Variants in CNNM4 observed in about 807,000 individuals in gnomAD.
The protein encoded by CNNM4 is metal transporter CNNM4.
A neutral mutation model predicts 53.7 loss-of-function variants in CNNM4; 32 were observed. The ratio of observed to expected loss-of-function variants is 0.60; its 90% CI spans 0.45 to 0.80. CNNM4 has a LOEUF of 0.80. Among genes scored for constraint, CNNM4 ranks in the 30% least tolerant of loss-of-function variants. The pLI, the probability that CNNM4 is intolerant of heterozygous loss-of-function variation, is 0.00. For missense variants in CNNM4, 784 were observed against 1,022.0 expected, an observed-to-expected ratio of 0.77 and a Z score of 3.17; for synonymous variants, 410 against 440.0, an observed-to-expected ratio of 0.93 and a Z score of 0.85.
In CNNM4 at chr2:96,810,533, G is replaced by C. The variant is rs1477508431; in HGVS notation, c.*1016G>C. On this transcript the variant is annotated 3_prime_UTR_variant, in exon 7 of 7. Transcript: ENST00000377075. The surrounding 1 kb of genome is among the most constrained non-coding windows in gnomAD (Gnocchi z 4.1). ...GTTGTTAGCAGTCAGTACCACCCCC[G>C]CCCCACAATGACAGTCAAGGCTGAC... 1 of 152,592 alleles carries C rather than the reference G, an allele frequency of 6.6e-6. No individual in the cohort carries two copies. The highest frequency in any genetic ancestry group is 2.1e-4 in the South Asian group (1 of 4,826). 9.5% of individuals were successfully genotyped at this position (152,592 alleles called of 1,614,324 possible).
chr2:96,799,541 T>C lies in CNNM4; in HGVS notation c.1852-11T>C. 6.4e-7 allele frequency: 1 copy of C among 1,551,978 alleles called. No homozygotes were observed. Among genetic ancestry groups the C allele is most frequent in the Non-Finnish European group, 8.7e-7 (1 of 1,146,514 alleles). On this transcript the variant is annotated splice_polypyrimidine_tract_variant and intron_variant, in intron 4 of 6. Coordinates refer to ENST00000377075, the MANE Select transcript of CNNM4 (RefSeq NM_020184.4). ...CACTTGGTCTCTAACTCCAGCCCTG[T>C]GTTTTTTCAGGGGAAGGTGGAGGTG...
At position 96,776,141 on chromosome 2, in the gene CNNM4, G is replaced by A. The variant is rs189854078; in HGVS notation, c.1402+13740G>A. On this transcript the variant is annotated intron_variant, in intron 1 of 6. Coordinates refer to ENST00000377075, the MANE Select transcript of CNNM4 (RefSeq NM_020184.4). ...CCTCCCGGGTTCAAGTGATTCCTCC[G>A]CCTCAGCCTCCCAAGTAGCTGGGAC... Among the ~76,000 whole-genome samples the A allele has an allele frequency of 3.5e-4, 49 of 140,332 alleles. 1 individual carries two copies. Among genetic ancestry groups the A allele is most frequent in the African/African-American group, 1.2e-3 (44 of 37,432 alleles). 92.1% of individuals were successfully genotyped at this position (140,332 alleles called of 152,430 possible).
In CNNM4 at chr2:96,761,012, G is replaced by T. The variant is rs2078754724; in HGVS notation, c.13G>T (p.Gly5Cys). 6.0e-6 allele frequency: 7 copies of T among 1,172,590 alleles called. No homozygotes were observed. The highest frequency in any genetic ancestry group is 6.3e-6 in the Non-Finnish European group (6 of 949,516). 72.6% of individuals were successfully genotyped at this position (1,172,590 alleles called of 1,614,324 possible). The change falls in exon 1 of 7, where the codon GGC becomes TGC. Residue 5 changes from glycine (G) to cysteine (C), a missense_variant. By Grantham distance (159) the Gly-to-Cys change is radical (BLOSUM62 -3). Transcript: ENST00000377075. This position sits in a 1 kb window ranked among gnomAD's most constrained non-coding sequence, Gnocchi z 6.0. Reference protein sequence around the residue: MAPVGGGGRPVGGPA... With the variant: MAPVCGGGRPVGGPA... ...GAGCCAGAGCAACATGGCGCCGGTG[G>T]GCGGGGGCGGGCGCCCGGTCGGCGG...
chr2:96,777,784 G>A (rs2078939317), intron 1 of CNNM4, among the ~76,000 whole-genome samples: 1 of 151,978 alleles, frequency 6.6e-6, no homozygotes, highest in Non-Finnish European at 1.5e-5. Context: ...TTACAGGAGT[G>A]AGCCACCACG....
intron 5 of CNNM4, among the ~76,000 whole-genome samples, chr2:96,803,864 G>A (rs2079179189): frequency 6.6e-6 from 1 of 152,096 alleles, no homozygotes; most frequent in South Asian, 2.1e-4. Flanking sequence ...GAGACAAAAT[G>A]GATTTTGGTG....
chr2:96,772,394 C>A (rs1420180571), intron 1 of CNNM4, among the ~76,000 whole-genome samples: 42 of 142,758 alleles, frequency 2.9e-4, no homozygotes, highest in South Asian at 9.4e-4. Flanking sequence ...CACACTCATG[C>A]CCCCCACGTA....
intron 1 of CNNM4, among the ~76,000 whole-genome samples, chr2:96,789,535 T>C (rs2079042404): frequency 6.6e-6 from 1 of 152,122 alleles, no homozygotes; most frequent in South Asian, 2.1e-4. Context: ...TGGGCAAGCA[T>C]GCCGCCAGGC....
At chr2:96,780,419 C>CTT (rs796619515) in intron 1 of CNNM4, among the ~76,000 whole-genome samples, 14 of 139,918 alleles carry the variant, frequency 1.0e-4, no homozygotes, top group Admixed American at 3.6e-4. Context: ...CTTGCTCTCC[C>CTT]TTTTTTTTTT....
At chr2:96,799,702 G>A in intron 5 of CNNM4, 54 bp downstream of exon 5, 2 of 1,378,680 alleles carry the variant, frequency 1.5e-6, no homozygotes, top group East Asian at 2.5e-5. Context: ...CAGCTGGGGA[G>A]CCATGGACCG....
chr2:96,804,465 G>A (rs1179128005), intron 5 of CNNM4, among the ~76,000 whole-genome samples: 2 of 151,330 alleles, frequency 1.3e-5, no homozygotes, highest in African/African-American at 2.4e-5. Context: ...GCAATGGCGC[G>A]ATTTCAGCTC....
At chr2:96,766,442 G>A (rs2078819833) in intron 1 of CNNM4, among the ~76,000 whole-genome samples, 4 of 151,962 alleles carry the variant, frequency 2.6e-5, no homozygotes, top group South Asian at 4.2e-4. Flanking sequence ...TGTTTCCTTG[G>A]GCTGGAATAT....
At chr2:96,787,770 G>A (rs2079027300) in intron 1 of CNNM4, among the ~76,000 whole-genome samples, 1 of 152,112 alleles carries the variant, frequency 6.6e-6, no homozygotes, top group African/African-American at 2.4e-5. Context: ...TGAGGTAGGA[G>A]GTTCACTTGA....
Position 96,810,437 on chromosome 2 carries a change from C to CT in CNNM4, c.*921dup, listed in dbSNP as rs2079247619. On this transcript the variant is annotated 3_prime_UTR_variant, in exon 7 of 7. Transcript: ENST00000377075. The surrounding 1 kb of genome is among the most constrained non-coding windows in gnomAD (Gnocchi z 4.1). ...AGGTTCTCCCTCGGCGGGAGGGCAT[C>CT]TGTGTTGGAGGTGATTTGTCTGGGT... is the stretch of plus-strand genomic sequence containing the variant. The CT allele has an allele frequency of 6.5e-6, 1 of 152,698 alleles. No homozygotes were observed. Among genetic ancestry groups the CT allele is most frequent in the African/African-American group, 2.4e-5 (1 of 41,438 alleles). The allele number at this position is 152,698 out of a possible 1,614,324, so 9.5% of individuals were successfully genotyped here.
intron 1 of CNNM4, among the ~76,000 whole-genome samples, chr2:96,777,369 G>A (rs1558984625): frequency 6.6e-6 from 1 of 151,958 alleles, no homozygotes; most frequent in Non-Finnish European, 1.5e-5. Flanking sequence ...TCTTTTTTGA[G>A]ATACAGTCTC....
At chr2:96,781,354 C>T (rs1313788874) in intron 1 of CNNM4, among the ~76,000 whole-genome samples, 1 of 151,788 alleles carries the variant, frequency 6.6e-6, no homozygotes, top group East Asian at 2.0e-4. Flanking sequence ...ACTTGAGCCA[C>T]CATGCCCAGC....
chr2:96,770,432 A>G (rs2078858403), intron 1 of CNNM4, among the ~76,000 whole-genome samples: 2 of 152,164 alleles, frequency 1.3e-5, no homozygotes, highest in South Asian at 4.1e-4. Flanking sequence ...TCTCGTAAGT[A>G]AAAGTCTGGG....
Position 96,761,352 on chromosome 2 carries a change from A to G in CNNM4, c.353A>G (p.Gln118Arg), listed in dbSNP as rs775036266. 6.2e-7 allele frequency: 1 copy of G among 1,614,092 alleles called. No individual in the cohort carries two copies. The highest frequency in any genetic ancestry group is 1.7e-5 in the Admixed American group (1 of 60,028). Reference sequence around the variant, plus strand: ...GAGCTCACCAAGGACCTGGTCGTCCAGCAGCTGGTCAACGTGAGCCGCGGG... The same window carrying G: ...GAGCTCACCAAGGACCTGGTCGTCCGGCAGCTGGTCAACGTGAGCCGCGGG... Reference protein sequence around the residue: ...CLELTKDLVVQQLVNVSRGNT... With the variant: ...CLELTKDLVVRQLVNVSRGNT... The change falls in exon 1 of 7, where the codon CAG becomes CGG. Residue 118 changes from glutamine (Q) to arginine (R), a missense_variant. By Grantham distance (43) the Gln-to-Arg change is conservative (BLOSUM62 1). Coordinates refer to ENST00000377075, the MANE Select transcript of CNNM4 (RefSeq NM_020184.4). This position sits in a 1 kb window ranked among gnomAD's most constrained non-coding sequence, Gnocchi z 6.0.
At chr2:96,803,690 C>T (rs180893283) in intron 5 of CNNM4, among the ~76,000 whole-genome samples, 55 of 150,986 alleles carry the variant, frequency 3.6e-4, no homozygotes, top group Non-Finnish European at 5.5e-4. Context: ...CGTGCCATTG[C>T]GCTCTAGCCT....
intron 1 of CNNM4, among the ~76,000 whole-genome samples, chr2:96,777,311 G>A (rs772566982): frequency 4.6e-5 from 7 of 152,124 alleles, no homozygotes; most frequent in Non-Finnish European, 8.8e-5. Flanking sequence ...GAGCCACTGC[G>A]CCCGGCCTGT....
Sources: allele counts gnomAD v4.1 joint callset (sites outside exome capture counted in the v4.1 genomes callset), GRCh38; gene constraint gnomAD v4.1.1; non-coding constraint Gnocchi (gnomAD v3.1); transcripts MANE v1.5; gene names NCBI Gene and HGNC (gene_info 2026-07-23, HGNC 2026-07-21).